Variants in TTC3 observed in about 807,000 individuals in gnomAD.
TTC3 encodes tetratricopeptide repeat domain 3, also known as E3 ubiquitin-protein ligase TTC3.
TTC3 carries 180 observed loss-of-function variants against 249.6 expected under a neutral mutation model. The observed-to-expected ratio is 0.72, with a 90% CI of 0.64 to 0.82. The LOEUF is 0.82. TTC3 is among the 40% of genes least tolerant of loss of function. The pLI, the probability that TTC3 is intolerant of heterozygous loss-of-function variation, is 0.00. For synonymous variants in TTC3, 717 were observed against 805.0 expected, an observed-to-expected ratio of 0.89 and a Z score of 1.85; for missense variants, 2,061 against 2,398.4, an observed-to-expected ratio of 0.86 and a Z score of 2.94.
chr21:37,152,825 T>G (rs2079610531), intron 26 of TTC3, 126 bp from the exon 27 acceptor site: 4 of 775,630 alleles, frequency 5.2e-6, no homozygotes, highest in Non-Finnish European at 7.6e-6. Flanking sequence ...TAAAGTTTCT[T>G]GAGTTTAGTA....
chr21:37,125,885 GC>G (rs66532388), intron 14 of TTC3, among the ~76,000 whole-genome samples, 194 bp from the exon 15 acceptor site: 152,280 of 152,282 alleles, frequency 1, 76,139 homozygotes, highest in Middle Eastern at 1. Flanking sequence ...TTTGTTCGTT[GC>G]CATATCATGA....
chr21:37,164,263 C>A, intron 32 of TTC3, 48 bp downstream of exon 32: 2 of 1,427,358 alleles, frequency 1.4e-6, no homozygotes, highest in South Asian at 1.5e-5. Flanking sequence ...CTAAGGCTGC[C>A]AATTAAAGAT....
At chr21:37,164,324 A>G (rs1199126403) in intron 32 of TTC3, 109 bp downstream of exon 32, 11 of 1,110,910 alleles carry the variant, frequency 9.9e-6, no homozygotes, top group Middle Eastern at 2.6e-4. Flanking sequence ...CACATTTTAC[A>G]CAAAGTTAAT....
chr21:37,089,154 A>G (rs143961348), intron 5 of TTC3, among the ~76,000 whole-genome samples: 1,739 of 152,264 alleles, frequency 0.011, 17 homozygotes, highest in East Asian at 0.03. Flanking sequence ...AAAGTGGGGT[A>G]TGGGTTCATG....
At chr21:37,096,713 T>G (rs1016105621) in intron 10 of TTC3, 70 bp downstream of exon 10, 7 of 1,232,672 alleles carry the variant, frequency 5.7e-6, no homozygotes, top group Non-Finnish European at 8.2e-6. Context: ...AACGTTTCTG[T>G]TTTTCAGGTA....
Position 37,153,067 on chromosome 21 carries a change from G to T in TTC3, c.2530G>T (p.Glu844Ter), listed in dbSNP as rs1024974527. The change falls in exon 27 of 46, where the codon GAA becomes TAA. Residue 844 changes from glutamate (E) to a stop codon, truncating the protein, a stop_gained. Coordinates refer to ENST00000355666, the Ensembl canonical transcript of TTC3. LOFTEE classifies it high-confidence loss of function. ...ACAGAATACAGCCATGCTTCTCAAA[G>T]AATTGCTTTCTTGGAAAGTTTTGAG... The T allele has an allele frequency of 6.2e-7, 1 of 1,613,726 alleles. No individual in the cohort carries two copies. Among genetic ancestry groups the T allele is most frequent in the Non-Finnish European group, 8.5e-7 (1 of 1,180,020 alleles).
At chr21:37,149,954 C>G in intron 23 of TTC3, 124 bp from the exon 24 acceptor site, 1 of 668,398 alleles carries the variant, frequency 1.5e-6, no homozygotes, top group Non-Finnish European at 2.5e-6. Flanking sequence ...ATTTTCACCA[C>G]TTGCCTGAAG....
At chr21:37,140,376 ATCC>A (rs1170923971) in intron 19 of TTC3, among the ~76,000 whole-genome samples, 182 bp from the exon 20 acceptor site, 2 of 152,316 alleles carry the variant, frequency 1.3e-5, no homozygotes, top group East Asian at 3.9e-4. Flanking sequence ...GTCTCTGACT[ATCC>A]ATATGATCAG....
At chr21:37,151,813 A>G (rs2079495808) in intron 25 of TTC3, 80 bp from the exon 26 acceptor site, 8 of 1,424,786 alleles carry the variant, frequency 5.6e-6, no homozygotes, top group African/African-American at 1.5e-5. Flanking sequence ...AACTTCTAAT[A>G]TATTGCTTGG....
exon 46 of TTC3, chr21:37,202,143 C>A (rs2085554186): frequency 2.6e-5 from 4 of 152,164 alleles, no homozygotes; most frequent in Admixed American, 1.3e-4. Context: ...CCAAAAGATT[C>A]AAATCTCCTC....
chr21:37,111,379 C>T (rs993365081), intron 11 of TTC3, among the ~76,000 whole-genome samples: 3 of 151,810 alleles, frequency 2.0e-5, no homozygotes, highest in East Asian at 1.9e-4. Flanking sequence ...AAATGGAAAA[C>T]GAAAAAAGGC....
intron 11 of TTC3, 46 bp from the exon 12 acceptor site, chr21:37,121,771 T>G: frequency 1.3e-6 from 2 of 1,505,932 alleles, no homozygotes; most frequent in Non-Finnish European, 8.9e-7. Flanking sequence ...TTTCTTTAAC[T>G]TAAGCATATT....
intron 44 of TTC3, among the ~76,000 whole-genome samples, chr21:37,199,486 G>T (rs2085278237): frequency 6.6e-6 from 1 of 152,224 alleles, no homozygotes; most frequent in African/African-American, 2.4e-5. Flanking sequence ...ATGCTCACCA[G>T]ACTGTGAGCC....
chr21:37,100,255 GT>G (rs2074348053), intron 10 of TTC3, among the ~76,000 whole-genome samples: 1 of 152,122 alleles, frequency 6.6e-6, no homozygotes, highest in African/African-American at 2.4e-5. Context: ...TGGTACATGG[GT>G]GTTCATTTTG....
intron 11 of TTC3, chr21:37,121,144 T>C (rs2076543209): frequency 6.6e-6 from 1 of 152,186 alleles, no homozygotes; most frequent in Non-Finnish European, 1.5e-5. Context: ...ATTTCCAAAA[T>C]ATGTAAATGG....
chr21:37,075,192 A>G (rs1395204976), intron 1 of TTC3, among the ~76,000 whole-genome samples: 2 of 129,030 alleles, frequency 1.6e-5, no homozygotes, highest in East Asian at 2.2e-4. Flanking sequence ...TCAGCATCAT[A>G]TTTTGAGGTT....
chr21:37,134,741 A>G (rs2077774289), intron 17 of TTC3, among the ~76,000 whole-genome samples: 2 of 152,198 alleles, frequency 1.3e-5, no homozygotes, highest in African/African-American at 2.4e-5. Flanking sequence ...TGCGTATTCA[A>G]ATTACAAAGT....
intron 35 of TTC3, among the ~76,000 whole-genome samples, chr21:37,179,859 C>A (rs990715634): frequency 1.3e-5 from 2 of 152,152 alleles, no homozygotes; most frequent in Non-Finnish European, 2.9e-5. Flanking sequence ...AAACTAGGAG[C>A]TTTGCAAATG....
intron 11 of TTC3, among the ~76,000 whole-genome samples, chr21:37,118,132 A>T (rs957740653): frequency 7.9e-5 from 12 of 151,794 alleles, no homozygotes; most frequent in East Asian, 3.9e-4. Context: ...TTTTTTTTTT[A>T]AAACCAGAAA....
Sources: allele counts gnomAD v4.1 joint callset (sites outside exome capture counted in the v4.1 genomes callset), GRCh38; gene constraint gnomAD v4.1.1; transcripts MANE v1.5; gene names NCBI Gene and HGNC (gene_info 2026-07-23, HGNC 2026-07-21).